The following ARID1B variants were observed in gnomAD, a reference collection of about 807,000 sequenced individuals.
The protein encoded by ARID1B is AT-rich interactive domain-containing protein 1B.
Under a neutral mutation model 212.3 loss-of-function variants are expected in ARID1B, and 30 were observed. The observed-to-expected ratio is 0.14, with a 90% CI of 0.11 to 0.19. ARID1B has a LOEUF of 0.19. Among genes scored for constraint, ARID1B ranks in the 10% least tolerant of loss-of-function variants. ARID1B has a pLI of 1.00. For synonymous variants in ARID1B, 1,402 were observed against 1,301.7 expected, an observed-to-expected ratio of 1.08 and a Z score of -1.66; for missense variants, 2,891 against 3,204.0, an observed-to-expected ratio of 0.90 and a Z score of 2.36.
intron 4 of ARID1B, among the ~76,000 whole-genome samples, chr6:156,972,230 A>G (rs1482701718): frequency 6.6e-6 from 1 of 152,214 alleles, no homozygotes; most frequent in Non-Finnish European, 1.5e-5. Context: ...ACTTAGTCAC[A>G]ATAGTCGTTC....
intron 8 of ARID1B, among the ~76,000 whole-genome samples, chr6:157,159,760 A>G (rs1374897800): frequency 6.6e-6 from 1 of 152,234 alleles, no homozygotes; most frequent in African/African-American, 2.4e-5. Flanking sequence ...TGAAAACAAG[A>G]GGCCCTGTGG....
intron 4 of ARID1B, among the ~76,000 whole-genome samples, chr6:157,039,679 TTCCTTCCTTCC>T (rs1781647614): frequency 1.0e-5 from 1 of 99,220 alleles, no homozygotes; most frequent in African/African-American, 3.5e-5. Flanking sequence ...CCTTCCTTCC[TTCCTTCCTTCC>T]TTCCTTCTTT....
chr6:157,108,811 A>G (rs1315169111), intron 5 of ARID1B, among the ~76,000 whole-genome samples: 1 of 152,166 alleles, frequency 6.6e-6, no homozygotes. Flanking sequence ...CCGACTAGTT[A>G]TGGTTCTAAT....
rs757718031 is a variant in ARID1B at position 156,778,039 on chromosome 6, C to T, written c.359C>T (p.Ser120Phe). Residue 120 changes from serine to phenylalanine, a missense_variant, in exon 1 of 20, where the codon TCC becomes TTC. This residue lies in a region of ARID1B where 1,643 missense variants were observed against 1,544.0 expected (regional missense o/e 1.06). Coordinates refer to ENST00000636930, the MANE Select transcript of ARID1B (RefSeq NM_001374828.1). Reference sequence around the variant, plus strand: ...GGAAGCGCCGCCGCGCTGTCCTCCTCCTCCTCCTCCTCCGCGGCGGCAGCG... The same window carrying T: ...GGAAGCGCCGCCGCGCTGTCCTCCTTCTCCTCCTCCTCCGCGGCGGCAGCG... ...EGGSAAALSS[S>F]SSSSAAAAAA... 6.5e-7 allele frequency: 1 copy of T among 1,535,914 alleles called. No individual in the cohort carries two copies. The highest frequency in any genetic ancestry group is 1.4e-5 in the African/African-American group (1 of 72,704).
intron 2 of ARID1B, among the ~76,000 whole-genome samples, chr6:156,899,897 A>T (rs1788781428): frequency 6.6e-6 from 1 of 152,202 alleles, no homozygotes; most frequent in Non-Finnish European, 1.5e-5. Context: ...AACTGCTTTA[A>T]ATCAAACTGC....
chr6:157,070,229 A>G (rs148760366), intron 4 of ARID1B, among the ~76,000 whole-genome samples: 30 of 151,582 alleles, frequency 2.0e-4, no homozygotes, highest in African/African-American at 6.3e-4. Context: ...TTTTTTTTAA[A>G]GAAAGATAAA....
chr6:156,928,862 C>T (rs775604860), intron 3 of ARID1B, among the ~76,000 whole-genome samples: 16 of 152,178 alleles, frequency 1.1e-4, no homozygotes, highest in Non-Finnish European at 1.8e-4. Context: ...AAGTGTTCCA[C>T]GTATAAACTA....
chr6:156,821,629 G>C (rs1460566640), intron 1 of ARID1B, among the ~76,000 whole-genome samples: 1 of 152,170 alleles, frequency 6.6e-6, no homozygotes, highest in Non-Finnish European at 1.5e-5. Context: ...TTGAATCTTT[G>C]GTCAGGCTGT....
chr6:157,189,853 A>G, intron 14 of ARID1B, 73 bp downstream of exon 14: 1 of 1,601,632 alleles, frequency 6.2e-7, no homozygotes, highest in Non-Finnish European at 8.5e-7. Flanking sequence ...GGCAAACTTC[A>G]CAGAGAGAAG....
intron 8 of ARID1B, chr6:157,152,037 C>T (rs1272370572): frequency 6.6e-6 from 1 of 152,154 alleles, no homozygotes; most frequent in Non-Finnish European, 1.5e-5. Flanking sequence ...CATGGTTATT[C>T]TTGGGAAATT....
At chr6:157,053,064 A>T (rs1255465955) in intron 4 of ARID1B, among the ~76,000 whole-genome samples, 1 of 151,492 alleles carries the variant, frequency 6.6e-6, no homozygotes, top group East Asian at 1.9e-4. Context: ...GCAAAATATC[A>T]TGAAGAATTA....
chr6:157,192,859 G>A (rs1793478359), intron 15 of ARID1B, among the ~76,000 whole-genome samples: 1 of 152,178 alleles, frequency 6.6e-6, no homozygotes, highest in African/African-American at 2.4e-5. Flanking sequence ...TCTTCAGTTT[G>A]CCTTACTCTG....
intron 4 of ARID1B, among the ~76,000 whole-genome samples, chr6:157,020,831 G>C (rs1279524463): frequency 6.6e-6 from 1 of 152,126 alleles, no homozygotes; most frequent in Admixed American, 6.6e-5. Context: ...GCTGTACGTG[G>C]TTTCTTTGGC....
At chr6:157,021,700 G>GGCC (rs1780290286) in intron 4 of ARID1B, among the ~76,000 whole-genome samples, 1 of 152,008 alleles carries the variant, frequency 6.6e-6, no homozygotes, top group African/African-American at 2.4e-5. Flanking sequence ...GGGCAAGCGC[G>GGCC]GCCGCCGCCT....
intron 5 of ARID1B, among the ~76,000 whole-genome samples, chr6:157,100,727 T>A (rs567280593): frequency 5.3e-4 from 80 of 152,362 alleles, no homozygotes; most frequent in African/African-American, 1.8e-3. Flanking sequence ...CATCTTACCA[T>A]ACTCTAGCTT....
At chr6:157,142,249 C>T (rs1789414049) in intron 7 of ARID1B, among the ~76,000 whole-genome samples, 1 of 152,134 alleles carries the variant, frequency 6.6e-6, no homozygotes. Context: ...ACTTTTCCCT[C>T]CTTTCATTTC....
At chr6:156,975,015 T>C (rs2128356389) in intron 4 of ARID1B, among the ~76,000 whole-genome samples, 1 of 152,114 alleles carries the variant, frequency 6.6e-6, no homozygotes, top group South Asian at 2.1e-4. Flanking sequence ...TGTAGACATA[T>C]TTTCAGTTCT....
chr6:156,834,428 G>A (rs1026047692), intron 2 of ARID1B, among the ~76,000 whole-genome samples: 1 of 152,118 alleles, frequency 6.6e-6, no homozygotes, highest in Non-Finnish European at 1.5e-5. Flanking sequence ...ACTTAAAGAT[G>A]CCCATTCATA....
At position 157,203,629 on chromosome 6, in the gene ARID1B, A is replaced by G. The variant is rs1331327631; in HGVS notation, c.5264-237A>G. ...GCTCAACCACTCCACCTCCAGAAGC[A>G]CTTTCGGCCCCTGCGTGACCAACAA... On this transcript the variant is annotated intron_variant, in intron 18 of 19. Coordinates refer to ENST00000636930, the MANE Select transcript of ARID1B (RefSeq NM_001374828.1). This position sits in a 1 kb window ranked among gnomAD's most constrained non-coding sequence, Gnocchi z 4.4. The G allele has an allele frequency of 2.0e-6, 1 of 506,282 alleles. No individual in the cohort carries two copies. The highest frequency in any genetic ancestry group is 1.9e-5 in the African/African-American group (1 of 52,498). The allele number at this position is 506,282 out of a possible 1,614,324, so 31.4% of individuals were successfully genotyped here.
Sources: gnomAD v4.1 joint callset for allele counts (sites outside exome capture counted in the v4.1 genomes callset) on GRCh38, gnomAD v4.1.1 for gene constraint, gnomAD v4.1.1 regional missense constraint, Gnocchi (gnomAD v3.1) non-coding constraint, MANE v1.5 for transcripts, NCBI Gene and HGNC (gene_info 2026-07-23, HGNC 2026-07-21) for gene names.